The following DLC1 variants were observed in gnomAD, a reference collection of about 807,000 sequenced individuals.
DLC1 encodes rho GTPase-activating protein 7.
DLC1 carries 54 observed loss-of-function variants against 140.3 expected under a neutral mutation model. That is an observed-to-expected ratio of 0.38 (90% CI 0.31 to 0.48). The LOEUF (loss-of-function observed/expected upper bound fraction) is 0.48. Among genes scored for constraint, DLC1 ranks in the 20% least tolerant of loss-of-function variants. The pLI is 0.96. For synonymous variants in DLC1, 986 were observed against 728.1 expected, an observed-to-expected ratio of 1.35 and a Z score of -5.70; for missense variants, 2,536 against 1,907.0, an observed-to-expected ratio of 1.33 and a Z score of -6.14.
chr8:13,086,150 T>C, intron 17 of DLC1, 140 bp downstream of exon 17: 1 of 1,348,184 alleles, frequency 7.4e-7, no homozygotes, highest in Non-Finnish European at 9.9e-7. Flanking sequence ...AAACATGAAA[T>C]GCTACTTTCT....
intron 2 of DLC1, among the ~76,000 whole-genome samples, chr8:13,433,100 G>A (rs1441960265): frequency 6.6e-6 from 1 of 152,106 alleles, no homozygotes; most frequent in Non-Finnish European, 1.5e-5. Flanking sequence ...TGTAGGATGA[G>A]ATGAGATGCA....
intron 4 of DLC1, among the ~76,000 whole-genome samples, chr8:13,357,009 C>A (rs1275908756): frequency 2.0e-5 from 3 of 151,620 alleles, no homozygotes; most frequent in Non-Finnish European, 4.4e-5. Flanking sequence ...TGATTCACGC[C>A]TGTAATCCCA....
At chr8:13,334,892 A>C (rs947167818) in intron 4 of DLC1, among the ~76,000 whole-genome samples, 1 of 152,234 alleles carries the variant, frequency 6.6e-6, no homozygotes, top group African/African-American at 2.4e-5. Flanking sequence ...TTTTAGGGGC[A>C]ATAGCTCATT....
chr8:13,422,770 C>A (rs1166852191), intron 2 of DLC1, among the ~76,000 whole-genome samples: 1 of 151,378 alleles, frequency 6.6e-6, no homozygotes, highest in Non-Finnish European at 1.5e-5. Context: ...GATACTACAT[C>A]TGGTGGATCA....
chr8:13,495,443 GTCATAT>G (rs1347924421), intron 2 of DLC1, among the ~76,000 whole-genome samples: 1 of 152,136 alleles, frequency 6.6e-6, no homozygotes. Context: ...CTGAGTGCTG[GTCATAT>G]GTCACCCAAC....
intron 5 of DLC1, among the ~76,000 whole-genome samples, chr8:13,274,167 G>A (rs777012953): frequency 1.1e-4 from 16 of 152,288 alleles, no homozygotes; most frequent in Middle Eastern, 3.4e-3. Context: ...GAGTGGAAGG[G>A]TTGAGTGCAG....
At chr8:13,564,180 A>T (rs952083520) in intron 1 of DLC1, among the ~76,000 whole-genome samples, 4 of 152,240 alleles carry the variant, frequency 2.6e-5, no homozygotes, top group Non-Finnish European at 5.9e-5. Flanking sequence ...AAAAAAGATA[A>T]TAACACCAAA....
At chr8:13,350,605 A>G (rs575915354) in intron 4 of DLC1, among the ~76,000 whole-genome samples, 1 of 152,272 alleles carries the variant, frequency 6.6e-6, no homozygotes, top group Admixed American at 6.5e-5. Flanking sequence ...AATGACAGGT[A>G]CTTGGGTGGT....
chr8:13,568,694 T>C (rs1004848779), intron 1 of DLC1, among the ~76,000 whole-genome samples: 2 of 152,152 alleles, frequency 1.3e-5, no homozygotes, highest in African/African-American at 4.8e-5. Flanking sequence ...AGTTATCAAG[T>C]GGATCAAGGA....
At chr8:13,346,300 A>G (rs1834336049) in intron 4 of DLC1, among the ~76,000 whole-genome samples, 1 of 152,218 alleles carries the variant, frequency 6.6e-6, no homozygotes, top group Admixed American at 6.5e-5. Context: ...TAAGGTTATT[A>G]ACCATATTTC....
intron 5 of DLC1, among the ~76,000 whole-genome samples, chr8:13,301,977 T>C (rs1357904230): frequency 6.6e-6 from 1 of 152,194 alleles, no homozygotes; most frequent in Admixed American, 6.5e-5. Flanking sequence ...GGTTGAGGCA[T>C]ACAGACTCCA....
chr8:13,195,484 C>T (rs1005368241), intron 5 of DLC1, among the ~76,000 whole-genome samples: 3 of 151,714 alleles, frequency 2.0e-5, no homozygotes, highest in African/African-American at 4.9e-5. Context: ...TACTTAGATC[C>T]GTATGATATG....
chr8:13,430,053 C>G (rs1034288885), intron 2 of DLC1, among the ~76,000 whole-genome samples: 4 of 152,130 alleles, frequency 2.6e-5, no homozygotes, highest in African/African-American at 7.2e-5. Context: ...CTAGGCCACA[C>G]CCTGGAACAA....
rs71207163 is a variant in DLC1, at chr8:13,551,075, C to CACACTTT, written c.-125-50880_-125-50879insAAAGTGT. ...ACACACACACACACACACACACACA[C>CACACTTT]TTTTTTTTTTTTTCCAAAGAACACT... On this transcript the variant is annotated intron_variant, in intron 1 of 1. Coordinates refer to the DLC1 transcript ENST00000631382. 9.8e-3 allele frequency among the ~76,000 whole-genome samples: 1,190 copies of CACACTTT among 121,664 alleles called. 23 individuals carry two copies. The highest frequency in any genetic ancestry group is 0.033 in the African/African-American group (1,095 of 32,826). 79.8% of individuals were successfully genotyped at this position (121,664 alleles called of 152,430 possible).
intron 5 of DLC1, among the ~76,000 whole-genome samples, chr8:13,124,787 G>C (rs1025091086): frequency 4.6e-5 from 7 of 152,060 alleles, no homozygotes; most frequent in Non-Finnish European, 1.0e-4. Context: ...TTCTCTCTAA[G>C]ACCACCTCTA....
At chr8:13,195,808 CCTATAG>C (rs1827012877) in intron 5 of DLC1, among the ~76,000 whole-genome samples, 1 of 151,948 alleles carries the variant, frequency 6.6e-6, no homozygotes, top group African/African-American at 2.4e-5. Context: ...TCGTGGTTGA[CCTATAG>C]CAGCACTATC....
chr8:13,242,594 G>A (rs545434470), intron 5 of DLC1, among the ~76,000 whole-genome samples: 19 of 151,992 alleles, frequency 1.3e-4, no homozygotes, highest in Middle Eastern at 3.4e-3. Flanking sequence ...GAGTTTTGCC[G>A]TTTGCCCAGG....
intron 3 of DLC1, among the ~76,000 whole-genome samples, chr8:13,399,469 G>A (rs1407745054): frequency 3.9e-5 from 6 of 152,112 alleles, no homozygotes; most frequent in Non-Finnish European, 8.8e-5. Flanking sequence ...CTCATGGTAG[G>A]ACTGTCAAGA....
chr8:13,528,212 T>A (rs1188848233), intron 1 of DLC1, among the ~76,000 whole-genome samples: 1 of 152,168 alleles, frequency 6.6e-6, no homozygotes, highest in Admixed American at 6.6e-5. Context: ...ACTGAACATA[T>A]TCACATTTCT....
Sources: allele counts gnomAD v4.1 joint callset (sites outside exome capture counted in the v4.1 genomes callset), GRCh38; gene constraint gnomAD v4.1.1; transcripts MANE v1.5; gene names NCBI Gene and HGNC (gene_info 2026-07-23, HGNC 2026-07-21).